NFATC1: variants seen among roughly 807,000 people sequenced by gnomAD.
NFATC1 encodes the protein nuclear factor of activated T cells 1.
A neutral mutation model predicts 76.0 loss-of-function variants in NFATC1; 22 were observed. The observed-to-expected ratio is 0.29, with a 90% CI of 0.21 to 0.41. The LOEUF is 0.41. Ranked by LOEUF, NFATC1 falls within the 10% of genes least tolerant of loss-of-function variation. NFATC1 has a pLI of 1.00. For missense variants in NFATC1, 1,357 were observed against 1,337.7 expected, an observed-to-expected ratio of 1.01 and a Z score of -0.23; for synonymous variants, 704 against 613.1, an observed-to-expected ratio of 1.15 and a Z score of -2.19.
At chr18:79,515,188 T>C (rs2090348384) in intron 9 of NFATC1, among the ~76,000 whole-genome samples, 1 of 151,428 alleles carries the variant, frequency 6.6e-6, no homozygotes, top group South Asian at 2.1e-4. Context: ...CTACTAAAAA[T>C]ACAAAAATTA....
chr18:79,486,427 A>C lies in NFATC1; in HGVS notation c.2272A>C (p.Met758Leu), dbSNP rs1332937142. 1 of 1,612,420 alleles carries C rather than the reference A, an allele frequency of 6.2e-7. No homozygotes were observed. The highest frequency in any genetic ancestry group is 1.7e-5 in the Admixed American group (1 of 60,020). The change falls in exon 9 of 10, where the codon ATG becomes CTG. Residue 758 changes from methionine to leucine, a missense_variant. By Grantham distance (15) the Met-to-Leu change is conservative. Coordinates refer to ENST00000427363, the MANE Select transcript of NFATC1 (RefSeq NM_001278669.2). Reference sequence around the variant, plus strand: ...GCCCTGTCCGCAGAGAAGCACCCTGATGCCAGCGGCCCCTGGCGTGAGCCC... The same window carrying C: ...GCCCTGTCCGCAGAGAAGCACCCTGCTGCCAGCGGCCCCTGGCGTGAGCCC... ...FPPCPQRSTLMPAAPGVSPKL... is the reference protein window; with the variant it reads ...FPPCPQRSTLLPAAPGVSPKL...
intron 3 of NFATC1, among the ~76,000 whole-genome samples, chr18:79,437,683 T>C (rs2086830812): frequency 6.6e-6 from 1 of 152,218 alleles, no homozygotes; most frequent in Non-Finnish European, 1.5e-5. Context: ...CGCCACCCTC[T>C]GCCCTCCACC....
chr18:79,515,355 AAAAG>A (rs1485057126), intron 9 of NFATC1, among the ~76,000 whole-genome samples: 41 of 151,102 alleles, frequency 2.7e-4, no homozygotes, highest in Middle Eastern at 3.4e-3. Context: ...AAAAAAAAAA[AAAAG>A]AAGGAAGGCA....
At chr18:79,479,470 C>T (rs2089199687) in intron 8 of NFATC1, among the ~76,000 whole-genome samples, 1 of 152,252 alleles carries the variant, frequency 6.6e-6, no homozygotes, top group Admixed American at 6.5e-5. Flanking sequence ...ATTTACAGAG[C>T]AGGCATCCAT....
chr18:79,467,860 G>A (rs1003673973), intron 8 of NFATC1: 3 of 1,187,698 alleles, frequency 2.5e-6, no homozygotes, highest in East Asian at 1.1e-4. Flanking sequence ...AACAGCCAAG[G>A]GGAAAACATG....
intron 1 of NFATC1, among the ~76,000 whole-genome samples, chr18:79,404,385 G>A (rs8091347): frequency 6.6e-6 from 1 of 152,106 alleles, no homozygotes; most frequent in East Asian, 1.9e-4. Context: ...GTCATGCCGC[G>A]GGCCTGACCA....
intron 8 of NFATC1, chr18:79,469,915 C>T (rs2088706446): frequency 1.0e-6 from 1 of 985,530 alleles, no homozygotes; most frequent in South Asian, 4.7e-5. Context: ...CAGGCAGAGC[C>T]CCCAGGCTGC....
chr18:79,516,384 T>C (rs1203098902), intron 9 of NFATC1, among the ~76,000 whole-genome samples: 1 of 152,182 alleles, frequency 6.6e-6, no homozygotes, highest in Non-Finnish European at 1.5e-5. Flanking sequence ...TTAATGAAAC[T>C]TGAGAAGCTG....
intron 1 of NFATC1, among the ~76,000 whole-genome samples, chr18:79,409,332 TCATCCATC>T (rs139023757): frequency 0.078 from 11,570 of 148,002 alleles, 617 homozygotes; most frequent in Non-Finnish European, 0.11. Flanking sequence ...ATCCATTCAT[TCATCCATC>T]CATCCATCCA....
chr18:79,462,456 C>T (rs2088158840), intron 7 of NFATC1, among the ~76,000 whole-genome samples: 1 of 152,158 alleles, frequency 6.6e-6, no homozygotes, highest in East Asian at 1.9e-4. Flanking sequence ...AGGCATGCAC[C>T]ACCACGCCCG....
intron 9 of NFATC1, among the ~76,000 whole-genome samples, chr18:79,522,386 G>A (rs1601010837): frequency 1.2e-5 from 1 of 84,266 alleles, no homozygotes. Context: ...GTGGGGGGGG[G>A]TGCGTCCACG....
At chr18:79,449,071 C>T (rs1467214839) in intron 4 of NFATC1, 87 bp downstream of exon 4, 7 of 1,346,002 alleles carry the variant, frequency 5.2e-6, no homozygotes, top group Non-Finnish European at 6.1e-6. Flanking sequence ...CTGGCCAGCC[C>T]CCCGCACTTC....
At chr18:79,449,580 T>C (rs944090678) in intron 4 of NFATC1, among the ~76,000 whole-genome samples, 1 of 152,132 alleles carries the variant, frequency 6.6e-6, no homozygotes, top group Non-Finnish European at 1.5e-5. Flanking sequence ...TGTGGTACTG[T>C]GGGGGGAACC....
chr18:79,458,310 G>A (rs998733405), intron 6 of NFATC1, among the ~76,000 whole-genome samples: 2 of 144,602 alleles, frequency 1.4e-5, no homozygotes, highest in South Asian at 2.1e-4. Context: ...ACGCCGCGGG[G>A]AGCAGGGCAC....
chr18:79,455,219 C>T (rs547039912), intron 6 of NFATC1, among the ~76,000 whole-genome samples: 86 of 152,320 alleles, frequency 5.6e-4, no homozygotes, highest in South Asian at 6.2e-4. Context: ...GTTTTGGTGT[C>T]GCTGCGCGGA....
At chr18:79,451,893 G>T in intron 6 of NFATC1, 77 bp downstream of exon 6, 1 of 1,526,346 alleles carries the variant, frequency 6.6e-7, no homozygotes, top group Non-Finnish European at 8.8e-7. Flanking sequence ...GGTGGAGCAG[G>T]ACCCACCTGT....
chr18:79,509,772 G>A (rs1487437647), intron 9 of NFATC1, among the ~76,000 whole-genome samples: 3 of 152,234 alleles, frequency 2.0e-5, no homozygotes, highest in Non-Finnish European at 4.4e-5. Context: ...GGGAGGGAAC[G>A]CGAAGCTGGG....
At position 79,405,736 on chromosome 18, in the gene NFATC1, A is replaced by G. The variant is rs562036537; in HGVS notation, c.128-4667A>G. Among the ~76,000 whole-genome samples, 5 of 152,388 alleles carry G rather than the reference A, an allele frequency of 3.3e-5. No individual in the cohort carries two copies. The East Asian group carries it at 9.6e-4, about 29-fold the overall frequency. On this transcript the variant is annotated intron_variant, in intron 1 of 9. Coordinates refer to ENST00000427363, the MANE Select transcript of NFATC1 (RefSeq NM_001278669.2). The stretch of plus-strand genomic sequence containing the variant: ...TTTTGTCATTTGTTTGATCAGGGAA[A>G]ACGCATGCTTAGGTGAGCCCTTTTT...
Position 79,482,367 on chromosome 18 carries a change from T to C in NFATC1, c.2093-3881T>C, listed in dbSNP as rs1343647990. On this transcript the variant is annotated intron_variant, in intron 8 of 9. Coordinates refer to ENST00000427363, the MANE Select transcript of NFATC1 (RefSeq NM_001278669.2). ...ACCTGGTCCTGGGGTGTCATTCCAG[T>C]GTGACGTGGTCCTGGGGTGTCACTC... 2.5e-3 allele frequency among the ~76,000 whole-genome samples: 187 copies of C among 75,114 alleles called. 1 individual carries two copies. Among genetic ancestry groups the C allele is most frequent in the East Asian group, 4.1e-3 (8 of 1,944 alleles). The allele number at this position is 75,114 out of a possible 152,430, so 49.3% of individuals were successfully genotyped here. A position where few individuals can be genotyped will look rare whatever the true frequency, so the allele number is the denominator to read the frequency against.
Sources: allele counts gnomAD v4.1 joint callset (sites outside exome capture counted in the v4.1 genomes callset), GRCh38; gene constraint gnomAD v4.1.1; transcripts MANE v1.5; gene names NCBI Gene and HGNC (gene_info 2026-07-23, HGNC 2026-07-21).